The following TNPO3 variants were observed in gnomAD, a reference collection of about 807,000 sequenced individuals.
TNPO3 encodes the protein transportin-3.
A neutral mutation model predicts 122.8 loss-of-function variants in TNPO3; 65 were observed. The ratio of observed to expected loss-of-function variants is 0.53; its 90% confidence interval spans 0.43 to 0.65. The LOEUF is 0.65. Among genes scored for constraint, TNPO3 ranks in the 30% least tolerant of loss-of-function variants. The pLI, the probability that TNPO3 is intolerant of heterozygous loss-of-function variation, is 0.00. For missense variants in TNPO3, 850 were observed against 1,136.7 expected, an observed-to-expected ratio of 0.75 and a Z score of 3.63; for synonymous variants, 372 against 411.2, an observed-to-expected ratio of 0.90 and a Z score of 1.15.
rs1255662064 is a variant in TNPO3 at position 129,054,905 on chromosome 7, G to A, written c.-135C>T. The A allele has an allele frequency of 2.5e-6, 3 of 1,220,390 alleles. No homozygotes were observed. In the African/African-American group the frequency reaches 4.5e-5, roughly 18 times the overall value. 75.6% of individuals were successfully genotyped at this position (1,220,390 alleles called of 1,614,324 possible). ...TGGCGCCATCTCCTCCTCTTTGGCCGTTACCAGGGCAGAAGGCTCTCCGTG... is the reference window on the plus strand; with the variant it reads ...TGGCGCCATCTCCTCCTCTTTGGCCATTACCAGGGCAGAAGGCTCTCCGTG... On this transcript the variant is annotated 5_prime_UTR_variant, in exon 1 of 23. In the 5' UTR this introduces an upstream ATG that the reference lacks. Coordinates refer to ENST00000265388, the MANE Select transcript of TNPO3 (RefSeq NM_012470.4).
intron 19 of TNPO3, 69 bp from the exon 20 acceptor site, chr7:128,970,384 C>G: frequency 6.9e-7 from 1 of 1,442,330 alleles, no homozygotes; most frequent in Non-Finnish European, 9.3e-7. Context: ...AGCACTCTTT[C>G]CCCTTTAGTA....
intron 7 of TNPO3, among the ~76,000 whole-genome samples, chr7:128,997,741 T>C (rs1245604888): frequency 6.6e-6 from 1 of 152,244 alleles, no homozygotes; most frequent in East Asian, 1.9e-4. Flanking sequence ...CCATTTAGAA[T>C]GACTGGCTTT....
chr7:129,042,865 CAAA>C (rs11286292), intron 1 of TNPO3, among the ~76,000 whole-genome samples: 60 of 133,358 alleles, frequency 4.5e-4, no homozygotes, highest in Non-Finnish European at 5.7e-4. Context: ...TCCCATCCTC[CAAA>C]AAAAAAAAAA....
At chr7:128,956,227 C>T (rs892795028) in intron 22 of TNPO3, among the ~76,000 whole-genome samples, 1 of 152,182 alleles carries the variant, frequency 6.6e-6, no homozygotes, top group Non-Finnish European at 1.5e-5. Context: ...CACTGCTGAA[C>T]ATCACTTTTA....
rs536687805 is a variant in TNPO3 at position 129,055,070 on chromosome 7, C to T, written c.-300G>A. 25 of 382,184 alleles carry T rather than the reference C, an allele frequency of 6.5e-5. No homozygotes were observed. The highest frequency in any genetic ancestry group is 4.3e-4 in the African/African-American group (21 of 48,740). The allele number at this position is 382,184 out of a possible 1,614,324, so 23.7% of individuals were successfully genotyped here. A position where few individuals can be genotyped will look rare whatever the true frequency, so the allele number is the denominator to read the frequency against. ...CAGTCGCTGACTTGCCCTCAGAAGC[C>T]TATCTTGGGAGGCCACACACCAGTG... On this transcript the variant is annotated 5_prime_UTR_variant, in exon 1 of 23. Coordinates refer to ENST00000265388, the MANE Select transcript of TNPO3 (RefSeq NM_012470.4).
In TNPO3 at chr7:128,970,261, G is replaced by A; in HGVS notation, c.2485C>T (p.Leu829Phe). 6.2e-7 allele frequency: 1 copy of A among 1,613,824 alleles called. No individual in the cohort carries two copies. The highest frequency in any genetic ancestry group is 8.5e-7 in the Non-Finnish European group (1 of 1,179,858). Residue 829 changes from leucine to phenylalanine, a missense_variant, in exon 20 of 23, where the codon CTT becomes TTT. By Grantham distance (22) the Leu-to-Phe change is conservative (BLOSUM62 0). Coordinates refer to ENST00000265388, the MANE Select transcript of TNPO3 (RefSeq NM_012470.4). Reference protein sequence around the residue: ...KELIGQVMNQLGQQLVSQLLH... With the variant: ...KELIGQVMNQFGQQLVSQLLH... ...AGCTGGCTGACAAGCTGCTGTCCAAGCTGGTTCATCACCTGTCCAATCAGT... is the reference window on the plus strand; with the variant it reads ...AGCTGGCTGACAAGCTGCTGTCCAAACTGGTTCATCACCTGTCCAATCAGT...
In TNPO3 at chr7:128,979,993, G is replaced by A. The variant is rs1799465892; in HGVS notation, c.1898C>T (p.Pro633Leu). 1.2e-6 allele frequency: 2 copies of A among 1,614,048 alleles called. No individual in the cohort carries two copies. Among genetic ancestry groups the A allele is most frequent in the Non-Finnish European group, 1.7e-6 (2 of 1,179,962 alleles). The change falls in exon 15 of 23, where the codon CCG (proline) becomes CTG (leucine). Residue 633 changes from proline to leucine, a missense_variant. Pro to Leu is a moderately conservative substitution (Grantham distance 98, BLOSUM62 -3). Transcript: ENST00000265388. ...TACTTCCTGTATGACTTTCTGACAC[G>A]GATGAGTCTGTCCATTTTCCACAAT... The part of the protein sequence containing the change: ...NPIVENGQTH[P>L]CQKVIQEIWP...
chr7:129,015,923 T>G (rs1803799004), intron 3 of TNPO3, among the ~76,000 whole-genome samples: 1 of 152,102 alleles, frequency 6.6e-6, no homozygotes, highest in Non-Finnish European at 1.5e-5. Flanking sequence ...AAGGAGCATG[T>G]ATCAATTTCC....
chr7:128,998,353 C>T (rs1364879153), intron 7 of TNPO3, among the ~76,000 whole-genome samples: 5 of 152,058 alleles, frequency 3.3e-5, no homozygotes, highest in Admixed American at 3.3e-4. Context: ...GAGTGAGACC[C>T]TGTCTCAAAA....
chr7:128,974,403 A>G (rs1321427979), intron 18 of TNPO3, among the ~76,000 whole-genome samples: 4 of 151,552 alleles, frequency 2.6e-5, no homozygotes, highest in African/African-American at 9.7e-5. Flanking sequence ...TGCTACTGAT[A>G]AAGTAGGCTG....
At chr7:129,055,674 G>A (rs548589571), upstream of TNPO3, 17 of 192,342 alleles carry the variant, frequency 8.8e-5, no homozygotes, top group Admixed American at 9.4e-4. Flanking sequence ...TCTAACTCCA[G>A]AGCATTTTGC....
intron 4 of TNPO3, among the ~76,000 whole-genome samples, chr7:129,006,799 T>C (rs1389963331): frequency 1.3e-5 from 2 of 152,206 alleles, no homozygotes; most frequent in African/African-American, 4.8e-5. Flanking sequence ...CTCCAAAGAA[T>C]GCTAGGTTGC....
chr7:129,025,391 A>T (rs1339613996), intron 1 of TNPO3, among the ~76,000 whole-genome samples: 2 of 124,534 alleles, frequency 1.6e-5, no homozygotes, highest in Admixed American at 9.2e-5. Context: ...AAAAAAAAAA[A>T]AAAAAACCAG....
intron 18 of TNPO3, among the ~76,000 whole-genome samples, chr7:128,974,400 G>A (rs757030120): frequency 1.3e-5 from 2 of 150,262 alleles, no homozygotes; most frequent in Non-Finnish European, 3.0e-5. Flanking sequence ...CAGTGCTACT[G>A]ATAAAGTAGG....
chr7:128,958,030 A>G (rs915184268), intron 21 of TNPO3, among the ~76,000 whole-genome samples: 2 of 152,124 alleles, frequency 1.3e-5, no homozygotes, highest in African/African-American at 4.8e-5. Flanking sequence ...TCACCAAGAA[A>G]CCAGCTGATG....
intron 1 of TNPO3, among the ~76,000 whole-genome samples, chr7:129,028,239 AC>A (rs1489474283): frequency 2.0e-5 from 3 of 152,222 alleles, no homozygotes; most frequent in Non-Finnish European, 2.9e-5. Flanking sequence ...ATAAAACAGA[AC>A]AAAAACCCCA....
intron 21 of TNPO3, among the ~76,000 whole-genome samples, chr7:128,961,433 G>A (rs1312894950): frequency 6.6e-6 from 1 of 152,156 alleles, no homozygotes; most frequent in Non-Finnish European, 1.5e-5. Flanking sequence ...TAGACCAGGT[G>A]TCCGGTAGGC....
At position 129,054,753 on chromosome 7, in the gene TNPO3, C is replaced by T. The variant is rs761915639; in HGVS notation, c.18G>A (p.Pro6=). MEGAK[P]TLQLVYQAVQ... ...CTGCCTGGTACACGAGCTGCAATGTCGGCTTTGCTCCTTCCATGGTGGTGG... is the reference window on the plus strand; with the variant it reads ...CTGCCTGGTACACGAGCTGCAATGTTGGCTTTGCTCCTTCCATGGTGGTGG... The change falls in exon 1 of 23, where the codon CCG becomes CCA. Residue 6 remains proline, a synonymous_variant. Coordinates refer to ENST00000265388, the MANE Select transcript of TNPO3 (RefSeq NM_012470.4). 1 of 1,614,168 alleles carries T rather than the reference C, an allele frequency of 6.2e-7. No homozygotes were observed. Among genetic ancestry groups the T allele is most frequent in the Non-Finnish European group, 8.5e-7 (1 of 1,180,024 alleles).
chr7:129,000,602 G>C (rs1801836098), intron 6 of TNPO3, 35 bp from the exon 7 acceptor site: 1 of 1,596,636 alleles, frequency 6.3e-7, no homozygotes, highest in Non-Finnish European at 8.6e-7. Context: ...CAATGAGTCA[G>C]AAATCTGGAT....
Sources: gnomAD v4.1 joint callset for allele counts (sites outside exome capture counted in the v4.1 genomes callset) on GRCh38, gnomAD v4.1.1 for gene constraint, MANE v1.5 for transcripts, NCBI Gene and HGNC (gene_info 2026-07-23, HGNC 2026-07-21) for gene names.